ST7: variants seen among roughly 807,000 people sequenced by gnomAD.
ST7 encodes suppressor of tumorigenicity 7 protein.
In ST7, 28 loss-of-function variants were observed where a neutral mutation model predicts 78.7. The observed-to-expected ratio is 0.36, with a 90% CI of 0.26 to 0.49. ST7 has a LOEUF of 0.49. Ranked by LOEUF, ST7 falls within the 20% of genes least tolerant of loss-of-function variation. The pLI, the probability that ST7 is intolerant of heterozygous loss-of-function variation, is 0.99. For synonymous variants in ST7, 247 were observed against 249.6 expected (o/e 0.99, Z 0.10); for missense variants, 418 against 696.0 (o/e 0.60, Z 4.49).
intron 1 of ST7, chr7:116,968,587 A>G (rs1313666465): frequency 3.3e-5 from 10 of 302,822 alleles, no homozygotes; most frequent in Non-Finnish European, 5.5e-5. Flanking sequence ...AGCGAGTCGC[A>G]GTGCTTGGTG....
chr7:117,106,892 T>C (rs1802020242), intron 2 of ST7, among the ~76,000 whole-genome samples: 6 of 152,154 alleles, frequency 3.9e-5, no homozygotes, highest in Admixed American at 3.9e-4. Context: ...AGTGCTGGGA[T>C]TACAGGCGTG....
intron 13 of ST7, among the ~76,000 whole-genome samples, chr7:117,218,668 C>G (rs990104337): frequency 1.3e-5 from 2 of 152,186 alleles, no homozygotes; most frequent in African/African-American, 4.8e-5. Flanking sequence ...ATTTGTACAT[C>G]TATACAAACT....
intron 1 of ST7, among the ~76,000 whole-genome samples, chr7:117,094,552 G>T (rs1277528478): frequency 6.6e-6 from 1 of 152,186 alleles, no homozygotes; most frequent in Non-Finnish European, 1.5e-5. Flanking sequence ...TGCTCTGTAA[G>T]CTGCTGTGTC....
chr7:117,119,784 C>A, intron 3 of ST7, 64 bp downstream of exon 3: 1 of 1,535,316 alleles, frequency 6.5e-7, no homozygotes, highest in South Asian at 1.2e-5. Flanking sequence ...TATTGTTACT[C>A]ATACTAAGAG....
chr7:117,104,653 A>G (rs1353351126), intron 2 of ST7, among the ~76,000 whole-genome samples: 1 of 152,230 alleles, frequency 6.6e-6, no homozygotes, highest in Admixed American at 6.5e-5. Flanking sequence ...TATGTCAAAG[A>G]GATACCTGCA....
In ST7 at chr7:117,219,033, A is replaced by G. The variant is rs1233990589; in HGVS notation, c.1406-51A>G. The G allele has an allele frequency of 2.0e-6, 3 of 1,482,694 alleles. No homozygotes were observed. Among genetic ancestry groups the G allele is most frequent in the Admixed American group, 3.7e-5 (2 of 54,560 alleles). The allele number at this position is 1,482,694 out of a possible 1,614,324, so 91.8% of individuals were successfully genotyped here. A position where few individuals can be genotyped will look rare whatever the true frequency, so the allele number is the denominator to read the frequency against. On this transcript the variant is annotated intron_variant, in intron 13 of 15. Transcript: ENST00000323984. This position sits in a 1 kb window ranked among gnomAD's most constrained non-coding sequence, Gnocchi z 5.1. ...CAAACGCCCCTTTTTGCAGTTGGGA[A>G]GTTATGACACAAACATTGGACATCT...
intron 2 of ST7, among the ~76,000 whole-genome samples, chr7:117,103,461 A>C (rs1374100211): frequency 1.3e-5 from 2 of 152,216 alleles, no homozygotes; most frequent in Non-Finnish European, 2.9e-5. Flanking sequence ...TTTACAGTCA[A>C]CTCATTTTCG....
intron 2 of ST7, among the ~76,000 whole-genome samples, chr7:117,114,265 G>C (rs533231403): frequency 6.6e-6 from 1 of 152,174 alleles, no homozygotes; most frequent in East Asian, 1.9e-4. Flanking sequence ...TGAGGAATTA[G>C]GAAGGACTTT....
chr7:117,128,234 C>G (rs1253039148), intron 3 of ST7: 1 of 151,772 alleles, frequency 6.6e-6, no homozygotes, highest in Non-Finnish European at 1.5e-5. Flanking sequence ...CAGGGGTTGG[C>G]AGTGGTGAGG....
intron 1 of ST7, among the ~76,000 whole-genome samples, chr7:117,009,808 C>T (rs1427094859): frequency 2.0e-5 from 3 of 151,914 alleles, no homozygotes; most frequent in Non-Finnish European, 2.9e-5. Flanking sequence ...AGTTATTTAC[C>T]TCCTTTTTCC....
At chr7:117,225,527 C>T (rs1188535563) in intron 15 of ST7, among the ~76,000 whole-genome samples, 2 of 152,144 alleles carry the variant, frequency 1.3e-5, no homozygotes, top group Non-Finnish European at 2.9e-5. Context: ...GCCGCCTCCT[C>T]GACCTGCCCC....
At chr7:117,034,047 T>A (rs1207814971) in intron 1 of ST7, among the ~76,000 whole-genome samples, 2 of 152,118 alleles carry the variant, frequency 1.3e-5, no homozygotes, top group Non-Finnish European at 2.9e-5. Flanking sequence ...CTCTTGGTGA[T>A]CCTCCTACCT....
intron 1 of ST7, among the ~76,000 whole-genome samples, chr7:117,044,093 G>A (rs1348993031): frequency 6.6e-6 from 1 of 152,058 alleles, no homozygotes; most frequent in Non-Finnish European, 1.5e-5. Context: ...CCTGGGATCG[G>A]TTCTTAAACA....
In ST7 at chr7:116,953,603, G is replaced by A; in HGVS notation, c.63G>A (p.Thr21=). 6.6e-7 allele frequency: 1 copy of A among 1,506,488 alleles called. No homozygotes were observed. The highest frequency in any genetic ancestry group is 9.0e-7 in the Non-Finnish European group (1 of 1,115,160). 93.3% of individuals were successfully genotyped at this position (1,506,488 alleles called of 1,614,324 possible). Residue 21 remains threonine (T), a synonymous_variant, in exon 1 of 16, where the codon ACG becomes ACA. Coordinates refer to ENST00000323984, the MANE Select transcript of ST7 (RefSeq NM_001369598.1). ...AGTCCTGCATAGTTTGGTCTTGGAC[G>A]TATCTGTGGACCGTGTGGTTCTTCA... ...QLKSCIVWSW[T]YLWTVWFFIV... is the part of the protein sequence containing the mutation.
chr7:117,200,834 T>TA (rs1196054887), intron 12 of ST7, among the ~76,000 whole-genome samples: 15 of 144,440 alleles, frequency 1.0e-4, no homozygotes, highest in African/African-American at 1.3e-4. Flanking sequence ...TTTTTTTTTT[T>TA]AAAAAAAAAA....
At chr7:117,125,198 T>A (rs1008311220) in intron 3 of ST7, among the ~76,000 whole-genome samples, 2 of 152,092 alleles carry the variant, frequency 1.3e-5, no homozygotes, top group Non-Finnish European at 2.9e-5. Flanking sequence ...CCTAAAATAG[T>A]TTTAGTAGCT....
chr7:117,026,202 C>T (rs2116093770), intron 1 of ST7, among the ~76,000 whole-genome samples: 1 of 152,306 alleles, frequency 6.6e-6, no homozygotes, highest in South Asian at 2.1e-4. Flanking sequence ...AGTCATTGAT[C>T]ATGTGTATTT....
intron 1 of ST7, among the ~76,000 whole-genome samples, chr7:117,097,636 T>TA (rs1431279604): frequency 1.3e-5 from 2 of 151,264 alleles, no homozygotes; most frequent in Non-Finnish European, 2.9e-5. Flanking sequence ...TGCTGACTTT[T>TA]AAAAAAATAA....
intron 9 of ST7, among the ~76,000 whole-genome samples, chr7:117,162,260 C>T (rs1409914811): frequency 6.6e-6 from 1 of 151,992 alleles, no homozygotes; most frequent in South Asian, 2.1e-4. Flanking sequence ...TAGCATATGG[C>T]AAGGATTTCA....
Sources: gnomAD v4.1 joint callset for allele counts (sites outside exome capture counted in the v4.1 genomes callset) on GRCh38, gnomAD v4.1.1 for gene constraint, Gnocchi (gnomAD v3.1) non-coding constraint, MANE v1.5 for transcripts, NCBI Gene and HGNC (gene_info 2026-07-23, HGNC 2026-07-21) for gene names.